PCDHGA2: variants seen among roughly 807,000 people sequenced by gnomAD.
PCDHGA2 encodes the protein protocadherin gamma subfamily A, 2.
In PCDHGA2, 40 loss-of-function variants were observed where a neutral mutation model predicts 59.2. That is an observed-to-expected ratio of 0.68 (90% CI 0.52 to 0.88). The LOEUF (loss-of-function observed/expected upper bound fraction) is 0.88. Ranked by LOEUF, PCDHGA2 falls within the 40% of genes least tolerant of loss-of-function variation. The pLI, the probability that PCDHGA2 is intolerant of heterozygous loss-of-function variation, is 0.00. For missense variants in PCDHGA2, 1,226 were observed against 1,204.0 expected (o/e 1.02, Z -0.27); for synonymous variants, 560 against 526.0 (o/e 1.06, Z -0.89).
intron 1 of PCDHGA2, chr5:141,345,486 G>T (rs773154186): frequency 1.2e-6 from 2 of 1,613,890 alleles, no homozygotes; most frequent in African/African-American, 2.7e-5. Flanking sequence ...CAACAACAAC[G>T]CCCGCATCAC....
At position 141,423,166 on chromosome 5, in the gene PCDHGA2, G is replaced by A. The variant is rs367805855; in HGVS notation, c.2425-71641G>A. ...GCTCAAGCAGAGCCTCGTGGTGGCC[G>A]TCCAGGACCACGGCCAGCCCCCTCT... On this transcript the variant is annotated intron_variant, in intron 1 of 3. Transcript: ENST00000394576. 2.4e-5 allele frequency: 38 copies of A among 1,613,476 alleles called. No individual in the cohort carries two copies. The South Asian group carries it at 2.5e-4, about 11-fold the overall frequency.
At chr5:141,389,330 C>A in intron 1 of PCDHGA2, 2 of 1,614,000 alleles carry the variant, frequency 1.2e-6, no homozygotes, top group Non-Finnish European at 1.7e-6. Context: ...TGGGGCCCAA[C>A]GGCCAAGTCT....
intron 3 of PCDHGA2, 57 bp from the exon 4 acceptor site, chr5:141,510,890 A>G (rs1434557860): frequency 1.2e-5 from 20 of 1,612,748 alleles, no homozygotes; most frequent in South Asian, 3.3e-5. Context: ...GATATAAGAC[A>G]GTGACTGTTG....
rs367793525 is a variant in PCDHGA2, at chr5:141,352,460, G to A, written c.2424+11065G>A. ...CGGTCTCTGCTCCAAGTCTGGGCCC[G>A]GGGTTCCTCCCAACCACAGCGAGGG... On this transcript the variant is annotated intron_variant, in intron 1 of 3. Transcript: ENST00000394576. 3.1e-6 allele frequency: 5 copies of A among 1,613,896 alleles called. No homozygotes were observed. Among genetic ancestry groups the A allele is most frequent in the Non-Finnish European group, 3.4e-6 (4 of 1,179,906 alleles).
chr5:141,501,326 CA>C (rs1562200763), intron 2 of PCDHGA2, among the ~76,000 whole-genome samples: 18 of 151,784 alleles, frequency 1.2e-4, no homozygotes, highest in African/African-American at 1.9e-4. Flanking sequence ...CACACACACA[CA>C]CACACACCCC....
At chr5:141,360,191 C>A (rs764540512) in intron 1 of PCDHGA2, 3 of 1,611,710 alleles carry the variant, frequency 1.9e-6, no homozygotes, top group East Asian at 2.2e-5. Context: ...GTACTGTTGC[C>A]CTTCCTGTTG....
At chr5:141,502,621 A>G (rs918589202) in intron 2 of PCDHGA2, among the ~76,000 whole-genome samples, 3 of 152,162 alleles carry the variant, frequency 2.0e-5, no homozygotes, top group African/African-American at 7.2e-5. Context: ...AAATATAAGT[A>G]ATCTGTGGAT....
At chr5:141,422,965 C>T (rs2096693602) in intron 1 of PCDHGA2, 2 of 1,614,116 alleles carry the variant, frequency 1.2e-6, no homozygotes, top group African/African-American at 2.7e-5. Context: ...GGAGCTGGCG[C>T]CCCGCTCTGC....
chr5:141,415,961 C>T, intron 1 of PCDHGA2: 1 of 438,836 alleles, frequency 2.3e-6, no homozygotes, highest in Non-Finnish European at 3.6e-6. Context: ...TATTGAAACT[C>T]CAGCCCCTTA....
In PCDHGA2 at chr5:141,448,129, C is replaced by A. The variant is rs116387986; in HGVS notation, c.2425-46678C>A. On this transcript the variant is annotated intron_variant, in intron 1 of 3. Coordinates refer to ENST00000394576, the MANE Select transcript of PCDHGA2 (RefSeq NM_018915.4). Reference sequence around the variant, plus strand: ...AGAAAAGAAAATTAGCCTCCCCCACCCTCACTATACCTCAGACTCACCCCT... The same window carrying A: ...AGAAAAGAAAATTAGCCTCCCCCACACTCACTATACCTCAGACTCACCCCT... 4.4e-3 allele frequency among the ~76,000 whole-genome samples: 671 copies of A among 152,002 alleles called. 4 individuals carry two copies. Among genetic ancestry groups the A allele is most frequent in the African/African-American group, 0.015 (612 of 41,466 alleles).
intron 1 of PCDHGA2, chr5:141,366,096 C>A (rs763995838): frequency 5.6e-6 from 9 of 1,614,108 alleles, no homozygotes; most frequent in Middle Eastern, 1.6e-4. Context: ...TACCTGGTGA[C>A]CAAGGTGGTA....
In PCDHGA2 at chr5:141,350,622, A is replaced by G; in HGVS notation, c.2424+9227A>G. 41 of 1,614,094 alleles carry G rather than the reference A, an allele frequency of 2.5e-5. No homozygotes were observed. Among genetic ancestry groups the G allele is most frequent in the Non-Finnish European group, 3.5e-5 (41 of 1,179,908 alleles). ...GTTTTCCACGTGGTTGTTGTAATCC[A>G]AGATATTAATGACAATGCACCACGT... On this transcript the variant is annotated intron_variant, in intron 1 of 3. Coordinates refer to ENST00000394576, the MANE Select transcript of PCDHGA2 (RefSeq NM_018915.4).
At chr5:141,471,571 A>G (rs1417147609) in intron 1 of PCDHGA2, 1 of 152,224 alleles carries the variant, frequency 6.6e-6, no homozygotes, top group African/African-American at 2.4e-5. Context: ...GGGTAGCAGT[A>G]GATAGGGTAA....
intron 2 of PCDHGA2, among the ~76,000 whole-genome samples, chr5:141,499,370 AT>A (rs932083472): frequency 2.0e-5 from 3 of 152,170 alleles, no homozygotes. Context: ...TAGCAACTTA[AT>A]TTTTTTCCAC....
chr5:141,340,618 C>G lies in PCDHGA2; in HGVS notation c.1647C>G (p.Ser549Arg). 1 of 1,614,204 alleles carries G rather than the reference C, an allele frequency of 6.2e-7. No individual in the cohort carries two copies. The highest frequency in any genetic ancestry group is 2.2e-5 in the East Asian group (1 of 44,862). Residue 549 changes from serine (S) to arginine (R), a missense_variant, in exon 1 of 4, where the codon AGC becomes AGG. Transcript: ENST00000394576. Reference sequence around the variant, plus strand: ...CACTCAGTAGCAATGTATCATTAAGCCTGTTCGTGCTGGACCAGAACGACA... The same window carrying G: ...CACTCAGTAGCAATGTATCATTAAGGCTGTTCGTGCTGGACCAGAACGACA... Reference protein sequence around the residue: ...NPPLSSNVSLSLFVLDQNDNA... With the variant: ...NPPLSSNVSLRLFVLDQNDNA...
chr5:141,368,754 T>C (rs537893432), intron 1 of PCDHGA2, among the ~76,000 whole-genome samples: 30 of 152,222 alleles, frequency 2.0e-4, no homozygotes, highest in Non-Finnish European at 3.5e-4. Flanking sequence ...TTTAAATATC[T>C]GAATCTTTAG....
rs1385144710 is a variant in PCDHGA2 at position 141,399,080 on chromosome 5, G to C, written c.2424+57685G>C. 1 of 1,613,696 alleles carries C rather than the reference G, an allele frequency of 6.2e-7. No homozygotes were observed. On this transcript the variant is annotated intron_variant, in intron 1 of 3. Transcript: ENST00000394576. ...GAATATTCAATGGTTGTAGAAGGGA[G>C]GGATGGTGGTGGACTGGTTGCACAA...
intron 1 of PCDHGA2, chr5:141,413,287 T>C (rs937508313): frequency 6.2e-7 from 1 of 1,613,950 alleles, no homozygotes. Flanking sequence ...GATCTCCTAC[T>C]CAATTCCTGA....
intron 1 of PCDHGA2, chr5:141,344,532 C>A: frequency 6.2e-7 from 1 of 1,614,028 alleles, no homozygotes; most frequent in Non-Finnish European, 8.5e-7. Context: ...CATTAACTCC[C>A]TGCAGAACTA....
Sources: gnomAD v4.1 joint callset for allele counts (sites outside exome capture counted in the v4.1 genomes callset) on GRCh38, gnomAD v4.1.1 for gene constraint, MANE v1.5 for transcripts, NCBI Gene and HGNC (gene_info 2026-07-23, HGNC 2026-07-21) for gene names.